ZAN: variants seen among roughly 807,000 people sequenced by gnomAD.
ZAN encodes the protein zonadhesin (gene/pseudogene).
In ZAN, 260 loss-of-function variants were observed where a neutral mutation model predicts 286.2. The ratio of observed to expected loss-of-function variants is 0.91; its 90% CI spans 0.82 to 1.01. The LOEUF (loss-of-function observed/expected upper bound fraction) is 1.01, where lower values mean the gene tolerates loss of function less well. Among genes scored for constraint, ZAN ranks in the 50% least tolerant of loss-of-function variants. The pLI, the probability that ZAN is intolerant of heterozygous loss-of-function variation, is 0.00. For missense variants in ZAN, 3,410 were observed against 3,639.2 expected (o/e 0.94, Z 1.62); for synonymous variants, 1,368 against 1,417.5 (o/e 0.97, Z 0.79).
intron 17 of ZAN, among the ~76,000 whole-genome samples, chr7:100,759,389 A>T (rs1474467959): frequency 6.6e-6 from 1 of 152,058 alleles, no homozygotes; most frequent in Non-Finnish European, 1.5e-5. Flanking sequence ...CTGGGTAGCA[A>T]AGTGAGATCT....
chr7:100,760,587 C>T (rs1562932867), intron 19 of ZAN, 51 bp downstream of exon 19: 19 of 1,603,406 alleles, frequency 1.2e-5, no homozygotes, highest in Admixed American at 5.1e-5. Context: ...GCTGCCTCTT[C>T]CTGCTGCCTC....
Position 100,791,926 on chromosome 7 carries a change from C to T in ZAN, c.7530-40C>T, listed in dbSNP as rs757053732. On this transcript the variant is annotated intron_variant, in intron 40 of 47. Coordinates refer to ENST00000613979, the MANE Select transcript of ZAN (RefSeq NM_003386.3). ...CTTCTTCTTCCCCCACTTCACCTTCCTTGGGGCCTCACCTGACCCCGTGGC... is the reference window on the plus strand; with the variant it reads ...CTTCTTCTTCCCCCACTTCACCTTCTTTGGGGCCTCACCTGACCCCGTGGC... The T allele has an allele frequency of 1.1e-5, 17 of 1,570,098 alleles. No individual in the cohort carries two copies. In the Middle Eastern group the frequency reaches 7.1e-4, roughly 66 times the overall value.
chr7:100,778,355 A>G (rs1319394593), intron 34 of ZAN, among the ~76,000 whole-genome samples: 2 of 151,344 alleles, frequency 1.3e-5, no homozygotes, highest in Admixed American at 6.6e-5. Flanking sequence ...TCTAATCCCA[A>G]CACTTCGTGA....
At position 100,794,188 on chromosome 7, in the gene ZAN, G is replaced by C. The variant is rs775242369; in HGVS notation, c.8055G>C (p.Leu2685=). The C allele has an allele frequency of 1.2e-6, 2 of 1,613,892 alleles. No homozygotes were observed. Among genetic ancestry groups the C allele is most frequent in the African/African-American group, 2.7e-5 (2 of 74,942 alleles). ...CCTGTGCCAGCTCACGGATCCTGCT[G>C]TGTGAGCCCTTCAGCTGCAGAGCGG... The part of the protein sequence containing the change: ...RCTCASSRIL[L]CEPFSCRAGE... The change falls in exon 44 of 48, where the codon CTG becomes CTC. Residue 2685 remains leucine, a synonymous_variant. Coordinates refer to ENST00000613979, the MANE Select transcript of ZAN (RefSeq NM_003386.3).
At chr7:100,749,264 C>T (rs1271754691) in intron 11 of ZAN, among the ~76,000 whole-genome samples, 1 of 151,624 alleles carries the variant, frequency 6.6e-6, no homozygotes, top group Non-Finnish European at 1.5e-5. Context: ...ACTGCCTGAC[C>T]CCAGGAGGTG....
chr7:100,766,132 G>A lies in ZAN; in HGVS notation c.4471-393G>A, dbSNP rs181722349. On this transcript the variant is annotated intron_variant, in intron 23 of 47. Transcript: ENST00000613979. ...CTCCCAAGTAGCTGGGATTACAGGC[G>A]TGCACTACCACGCCAGGCTAATTTT... Among the ~76,000 whole-genome samples the A allele has an allele frequency of 4.6e-5, 7 of 152,100 alleles. No homozygotes were observed. The South Asian group carries it at 6.2e-4, about 14-fold the overall frequency.
chr7:100,752,570 C>T lies in ZAN; in HGVS notation c.2465C>T (p.Pro822Leu), dbSNP rs780799369. The T allele has an allele frequency of 9.9e-6, 16 of 1,612,572 alleles. No homozygotes were observed. The African/African-American group carries it at 2.0e-4, about 20-fold the overall frequency. Residue 822 changes from proline to leucine, a missense_variant, in exon 14 of 48, where the codon CCC becomes CTC. Pro to Leu is a moderately conservative substitution (Grantham distance 98). This residue lies in a region of ZAN where 90 missense variants were observed against 87.1 expected (regional missense o/e 1.03). Coordinates refer to ENST00000613979, the MANE Select transcript of ZAN (RefSeq NM_003386.3). Reference protein sequence around the residue: ...TEKPSIPMEKPTLPTEETTTS... With the variant: ...TEKPSIPMEKLTLPTEETTTS... Reference sequence around the variant, plus strand: ...AAACCCAGCATCCCCATGGAAAAACCCACTCTCCCCACTGAAGAAACCACC... The same window carrying T: ...AAACCCAGCATCCCCATGGAAAAACTCACTCTCCCCACTGAAGAAACCACC...
At chr7:100,743,390 CT>C (rs1807950652) in intron 7 of ZAN, among the ~76,000 whole-genome samples, 1 of 152,022 alleles carries the variant, frequency 6.6e-6, no homozygotes, top group Non-Finnish European at 1.5e-5. Context: ...GTGCACTCAG[CT>C]GAGCTTCTTT....
Position 100,791,946 on chromosome 7 carries a change from C to A in ZAN, c.7530-20C>A. 6.2e-7 allele frequency: 1 copy of A among 1,600,118 alleles called. No homozygotes were observed. The highest frequency in any genetic ancestry group is 2.2e-5 in the East Asian group (1 of 44,574). On this transcript the variant is annotated intron_variant, in intron 40 of 47. Coordinates refer to ENST00000613979, the MANE Select transcript of ZAN (RefSeq NM_003386.3). ...CCTTCCTTGGGGCCTCACCTGACCC[C>A]GTGGCTGTCTCTACTGCAGGGCTAT...
rs1812029992 is a variant in ZAN at position 100,792,307 on chromosome 7, A to ATGTCTT, written c.7713-96_7713-91dup. The ATGTCTT allele has an allele frequency of 3.3e-6, 5 of 1,515,372 alleles. No individual in the cohort carries two copies. The East Asian group carries it at 1.1e-4, about 35-fold the overall frequency. The allele number at this position is 1,515,372 out of a possible 1,614,324, so 93.9% of individuals were successfully genotyped here. On this transcript the variant is annotated intron_variant, in intron 41 of 47. Coordinates refer to ENST00000613979, the MANE Select transcript of ZAN (RefSeq NM_003386.3). ...TGTGACCCTCACTGGACACCGACTGATGTCTTTCTGTTTGGGGTTCCAGGC... is the reference window on the plus strand; with the variant it reads ...TGTGACCCTCACTGGACACCGACTGATGTCTTTGTCTTTCTGTTTGGGGTTCCAGGC...
intron 29 of ZAN, among the ~76,000 whole-genome samples, chr7:100,772,745 T>C (rs1392688257): frequency 1.3e-5 from 2 of 151,302 alleles, no homozygotes; most frequent in African/African-American, 2.4e-5. Context: ...GGCGTGAATC[T>C]GGGAGGTGGA....
At chr7:100,755,858 C>T (rs1809108618) in intron 15 of ZAN, among the ~76,000 whole-genome samples, 1 of 152,164 alleles carries the variant, frequency 6.6e-6, no homozygotes, top group African/African-American at 2.4e-5. Flanking sequence ...AGGCATAAGT[C>T]ACCGTGTCTG....
chr7:100,761,077 A>G (rs1322652170), intron 19 of ZAN, among the ~76,000 whole-genome samples: 1 of 152,062 alleles, frequency 6.6e-6, no homozygotes, highest in African/African-American at 2.4e-5. Context: ...TGTTTTTAGT[A>G]GAGATGGGAT....
Position 100,793,814 on chromosome 7 carries a change from C to T in ZAN, c.7788-6C>T, listed in dbSNP as rs758683559. On this transcript the variant is annotated splice_polypyrimidine_tract_variant and splice_region_variant and intron_variant, in intron 42 of 47. Transcript: ENST00000613979. ...AGCCAGTTTCTGACCATGACTGTCC[C>T]CGCAGCCATGGAGTGTCCAGCAGGT... The T allele has an allele frequency of 1.3e-6, 2 of 1,575,970 alleles. No homozygotes were observed. The highest frequency in any genetic ancestry group is 1.7e-6 in the Non-Finnish European group (2 of 1,158,218).
intron 31 of ZAN, among the ~76,000 whole-genome samples, chr7:100,774,313 T>C (rs1235828725): frequency 6.6e-6 from 1 of 152,110 alleles, no homozygotes; most frequent in Admixed American, 6.6e-5. Flanking sequence ...GAGGTTGCAG[T>C]GAGCAGAGAT....
At chr7:100,791,872 C>CA (rs1426923516) in intron 40 of ZAN, 94 bp from the exon 41 acceptor site, 1 of 1,418,530 alleles carries the variant, frequency 7.0e-7, no homozygotes, top group East Asian at 2.5e-5. Flanking sequence ...GGACTCCAGG[C>CA]AGCCACCACC....
At position 100,784,763 on chromosome 7, in the gene ZAN, G is replaced by A. The variant is rs1053876196; in HGVS notation, c.6763G>A (p.Val2255Met). The change falls in exon 36 of 48, where the codon GTG (valine) becomes ATG (methionine). Residue 2255 changes from valine to methionine, a missense_variant. Transcript: ENST00000613979. Reference protein sequence around the residue: ...AEGCICQPGYVLSEDKCVPRS... With the variant: ...AEGCICQPGYMLSEDKCVPRS... ...GGGCTGCATTTGTCAGCCCGGCTAT[G>A]TGCTGAGTGAAGACAAGTGTGTCCC... 9.9e-6 allele frequency: 16 copies of A among 1,613,750 alleles called. No individual in the cohort carries two copies. The highest frequency in any genetic ancestry group is 1.2e-5 in the Non-Finnish European group (14 of 1,179,844).
rs774557339 is a variant in ZAN, at chr7:100,736,611, G to C, written c.235G>C (p.Gly79Arg). The C allele has an allele frequency of 2.0e-6, 3 of 1,522,396 alleles. No homozygotes were observed. Among genetic ancestry groups the C allele is most frequent in the Non-Finnish European group, 2.7e-6 (3 of 1,107,258 alleles). The allele number at this position is 1,522,396 out of a possible 1,614,324, so 94.3% of individuals were successfully genotyped here. A position where few individuals can be genotyped will look rare whatever the true frequency, so the allele number is the denominator to read the frequency against. ...TCCCACCGGCTCCACCGGGGCCCCC[G>C]GGGGGTACCCTAACGGAGGTGAGGG... ...PSPTGSTGAP[G>R]GYPNGEGSYL... is the part of the protein sequence containing the mutation. Residue 79 changes from glycine to arginine, a missense_variant, in exon 4 of 48, where the codon GGG becomes CGG. This residue lies in a region of ZAN where 872 missense variants were observed against 938.9 expected (regional missense o/e 0.93). Coordinates refer to ENST00000613979, the MANE Select transcript of ZAN (RefSeq NM_003386.3).
At position 100,773,397 on chromosome 7, in the gene ZAN, G is replaced by A. The variant is rs777791844; in HGVS notation, c.5538G>A (p.Glu1846=). The change falls in exon 30 of 48, where the codon GAG becomes GAA. Residue 1846 remains glutamate, a synonymous_variant. Transcript: ENST00000613979. ...RDCPKALPCA[E]SCECQKGHIL... ...GCCCCAAAGCACTGCCCTGTGCTGA[G>A]AGCTGTGAATGTCAGAAAGGCCACA... The A allele has an allele frequency of 5.6e-6, 9 of 1,613,902 alleles. No homozygotes were observed. The highest frequency in any genetic ancestry group is 5.9e-6 in the Non-Finnish European group (7 of 1,179,914).
Sources: allele counts gnomAD v4.1 joint callset (sites outside exome capture counted in the v4.1 genomes callset), GRCh38; gene constraint gnomAD v4.1.1; regional missense constraint gnomAD v4.1.1; transcripts MANE v1.5; gene names NCBI Gene and HGNC (gene_info 2026-07-23, HGNC 2026-07-21).